PPFIA4: variants seen among roughly 807,000 people sequenced by gnomAD.
PPFIA4 encodes liprin-alpha-4.
Under a neutral mutation model 145.7 loss-of-function variants are expected in PPFIA4, and 98 were observed. The observed-to-expected ratio is 0.67, with a 90% CI of 0.57 to 0.80. The LOEUF is 0.80. Among genes scored for constraint, PPFIA4 ranks in the 30% least tolerant of loss-of-function variants. The pLI, the probability that PPFIA4 is intolerant of heterozygous loss-of-function variation, is 0.00. For synonymous variants in PPFIA4, 628 were observed against 649.6 expected, an observed-to-expected ratio of 0.97 and a Z score of 0.51; for missense variants, 1,457 against 1,632.7, an observed-to-expected ratio of 0.89 and a Z score of 1.85.
In PPFIA4 at chr1:203,075,649, G is replaced by C. The variant is rs12130501; in HGVS notation, c.3466G>C (p.Gly1156Arg). ...CCGGCCGCGGGAGCACCACGGTCGC[G>C]GCGGCATGCTCAGCGCTTCCGCGGA... ...RFRPREHHGR[G>R]GMLSASAETL... The change falls in exon 29 of 30, where the codon GGC (glycine) becomes CGC (arginine). Residue 1156 changes from glycine (G) to arginine (R), a missense_variant. Physicochemically the swap from Gly to Arg is moderately radical, Grantham distance 125. This residue lies in a region of PPFIA4 where 146 missense variants were observed against 126.2 expected (regional missense o/e 1.16). Transcript: ENST00000295706. This position sits in a 1 kb window ranked among gnomAD's most constrained non-coding sequence, Gnocchi z 4.1. 6.6e-7 allele frequency: 1 copy of C among 1,504,918 alleles called. No individual in the cohort carries two copies. The highest frequency in any genetic ancestry group is 1.3e-5 in the South Asian group (1 of 78,032). 93.2% of individuals were successfully genotyped at this position (1,504,918 alleles called of 1,614,324 possible).
rs1661916954 is a variant in PPFIA4 at position 203,068,749 on chromosome 1, A to G, written c.3324+121A>G. The G allele has an allele frequency of 6.7e-6, 7 of 1,037,966 alleles. No homozygotes were observed. In the South Asian group the frequency reaches 8.6e-5, roughly 13 times the overall value. The allele number at this position is 1,037,966 out of a possible 1,614,324, so 64.3% of individuals were successfully genotyped here. On this transcript the variant is annotated intron_variant, in intron 27 of 29. Coordinates refer to ENST00000295706, the MANE Select transcript of PPFIA4 (RefSeq NM_001304331.2). The surrounding 1 kb of genome is among the most constrained non-coding windows in gnomAD (Gnocchi z 4.7). ...GGGGTGGGGAGCTTTTCTAGGGCCT[A>G]TGCCAGAGGGGATCGCAATGTCCTC...
chr1:203,051,330 A>G (rs1201163840), intron 13 of PPFIA4: 4 of 988,750 alleles, frequency 4.0e-6, no homozygotes, highest in Non-Finnish European at 4.8e-6. Context: ...ACCAAAAAAC[A>G]AAGACCCTCA....
intron 26 of PPFIA4, 85 bp downstream of exon 26, chr1:203,067,877 G>A: frequency 1.8e-6 from 2 of 1,135,902 alleles, no homozygotes; most frequent in South Asian, 2.5e-5. Context: ...GAGGCATTCT[G>A]TGTCTCAGGG....
In PPFIA4 at chr1:203,045,482, G is replaced by C. The variant is rs1406119477; in HGVS notation, c.781G>C (p.Glu261Gln). 6.2e-7 allele frequency: 1 copy of C among 1,609,092 alleles called. No homozygotes were observed. The highest frequency in any genetic ancestry group is 8.5e-7 in the Non-Finnish European group (1 of 1,178,426). ...TLTTTVTELE[E>Q]DLGTARRDLI... ...AACAACAACCGTGACTGAACTCGAG[G>C]AGGACCTGGGCACGGCCCGCCGGGA... Residue 261 changes from glutamate (E) to glutamine (Q), a missense_variant, in exon 7 of 30, where the codon GAG (glutamate) becomes CAG (glutamine). By Grantham distance (29) the Glu-to-Gln change is conservative. Coordinates refer to ENST00000295706, the MANE Select transcript of PPFIA4 (RefSeq NM_001304331.2).
At position 203,075,121 on chromosome 1, in the gene PPFIA4, C is replaced by G. The variant is rs1306145076; in HGVS notation, c.3394-456C>G. Among the ~76,000 whole-genome samples the G allele has an allele frequency of 2.6e-5, 4 of 152,112 alleles. No homozygotes were observed. Among genetic ancestry groups the G allele is most frequent in the African/African-American group, 7.2e-5 (3 of 41,394 alleles). ...AGAAGCCAGGTGTCTGACTCCCGCCCGACATAGTACTCTTCTGGTATACTG... is the reference window on the plus strand; with the variant it reads ...AGAAGCCAGGTGTCTGACTCCCGCCGGACATAGTACTCTTCTGGTATACTG... On this transcript the variant is annotated intron_variant, in intron 28 of 29. Transcript: ENST00000295706. The surrounding 1 kb of genome is among the most constrained non-coding windows in gnomAD (Gnocchi z 4.1).
At chr1:203,059,365 C>T (rs1283597360) in intron 20 of PPFIA4, 94 bp downstream of exon 20, 4 of 1,092,946 alleles carry the variant, frequency 3.7e-6, no homozygotes, top group Non-Finnish European at 5.4e-6. Flanking sequence ...CTCAGAGACC[C>T]AGACCCCAGC....
intron 17 of PPFIA4, 39 bp from the exon 18 acceptor site, chr1:203,056,336 C>T (rs1660945344): frequency 6.2e-7 from 1 of 1,608,926 alleles, no homozygotes; most frequent in Non-Finnish European, 8.5e-7. Flanking sequence ...GGCCCGAGAT[C>T]TCTCCCTCTA....
intron 1 of PPFIA4, among the ~76,000 whole-genome samples, chr1:203,026,975 A>G (rs1028615813): frequency 6.6e-6 from 1 of 152,188 alleles, no homozygotes; most frequent in Admixed American, 6.5e-5. Context: ...CAGGAGAGTC[A>G]GAAAAAGCGC....
chr1:203,038,683 A>G lies in PPFIA4; in HGVS notation c.-326A>G, dbSNP rs370104769. On this transcript the variant is annotated 5_prime_UTR_variant, in exon 2 of 30. An upstream open reading frame in the 5' UTR loses its in-frame stop. Transcript: ENST00000295706. ...TCTGCCAGCCTCCGGCACTCAGTCTAAGAGAAGGGCCATCTTCCAGCCCTG... is the reference window on the plus strand; with the variant it reads ...TCTGCCAGCCTCCGGCACTCAGTCTGAGAGAAGGGCCATCTTCCAGCCCTG... 3.9e-5 allele frequency: 8 copies of G among 207,200 alleles called. No individual in the cohort carries two copies. In the East Asian group the frequency reaches 1.0e-3, roughly 26 times the overall value. 12.8% of individuals were successfully genotyped at this position (207,200 alleles called of 1,614,324 possible). A position where few individuals can be genotyped will look rare whatever the true frequency, so the allele number is the denominator to read the frequency against.
intron 1 of PPFIA4, chr1:203,034,355 C>A: frequency 2.3e-6 from 1 of 433,696 alleles, no homozygotes; most frequent in Non-Finnish European, 4.6e-6. Context: ...GGAGGTAGGG[C>A]TGGATTTCTG....
At position 203,076,334 on chromosome 1, in the gene PPFIA4, C is replaced by T. The variant is rs771763830; in HGVS notation, c.3575-7C>T. 25 of 1,604,410 alleles carry T rather than the reference C, an allele frequency of 1.6e-5. No homozygotes were observed. The South Asian group carries it at 2.0e-4, about 13-fold the overall frequency. ...CAGTGCGATGCCTGTCTCTCTCTCT[C>T]CCTCAGCTCACTCCCACTATCTCTA... On this transcript the variant is annotated splice_polypyrimidine_tract_variant and splice_region_variant and intron_variant, in intron 29 of 29. Coordinates refer to ENST00000295706, the MANE Select transcript of PPFIA4 (RefSeq NM_001304331.2).
In PPFIA4 at chr1:203,057,268, C is replaced by T. The variant is rs574789882; in HGVS notation, c.2407+318C>T. On this transcript the variant is annotated intron_variant, in intron 19 of 29. Transcript: ENST00000295706. ...GGGTTTCTTTGAATTTGGAGATTTT[C>T]TGAGGTACTGTGCTCGGGACCTTCA... Among the ~76,000 whole-genome samples the T allele has an allele frequency of 2.0e-5, 3 of 152,302 alleles. No homozygotes were observed. The South Asian group carries it at 6.2e-4, about 32-fold the overall frequency.
At chr1:203,061,164 G>C in intron 23 of PPFIA4, 132 bp downstream of exon 23, 1 of 835,638 alleles carries the variant, frequency 1.2e-6, no homozygotes, top group Non-Finnish European at 2.0e-6. Flanking sequence ...TCCCTGAGGT[G>C]TGATCTGCTG....
chr1:203,056,265 A>AC, intron 17 of PPFIA4, 110 bp downstream of exon 17: 4 of 1,595,040 alleles, frequency 2.5e-6, no homozygotes, highest in Non-Finnish European at 3.4e-6. Flanking sequence ...TCAGAGAGGC[A>AC]CCCAGGGCCT....
intron 1 of PPFIA4, among the ~76,000 whole-genome samples, chr1:203,034,302 C>T (rs906528195): frequency 1.3e-5 from 2 of 152,006 alleles, no homozygotes; most frequent in Non-Finnish European, 2.9e-5. Context: ...GGGAGCAGAC[C>T]TCAGTGAGCA....
chr1:203,076,304 C>T (rs778085932), intron 29 of PPFIA4, 37 bp from the exon 30 acceptor site: 2 of 1,591,456 alleles, frequency 1.3e-6, no homozygotes, highest in South Asian at 2.2e-5. Flanking sequence ...CTGCAACCTG[C>T]CTCACAGTGC....
intron 26 of PPFIA4, 64 bp downstream of exon 26, chr1:203,067,856 C>T (rs1410829024): frequency 5.4e-5 from 75 of 1,395,756 alleles, no homozygotes; most frequent in Non-Finnish European, 1.3e-5. Flanking sequence ...TGCCTTGGGC[C>T]AAGTGGAGGG....
chr1:203,030,002 A>G (rs913077713), intron 1 of PPFIA4, among the ~76,000 whole-genome samples: 2 of 152,198 alleles, frequency 1.3e-5, no homozygotes, highest in African/African-American at 4.8e-5. Context: ...CCCAGCTGTT[A>G]AGAGTTGAAT....
At chr1:203,070,804 C>A (rs2102693015) in intron 27 of PPFIA4, among the ~76,000 whole-genome samples, 1 of 152,128 alleles carries the variant, frequency 6.6e-6, no homozygotes, top group East Asian at 1.9e-4. Context: ...TTTATTTAAT[C>A]CAAATCAGTC....
Sources: allele counts gnomAD v4.1 joint callset (sites outside exome capture counted in the v4.1 genomes callset), GRCh38; gene constraint gnomAD v4.1.1; regional missense constraint gnomAD v4.1.1; non-coding constraint Gnocchi (gnomAD v3.1); transcripts MANE v1.5; gene names NCBI Gene and HGNC (gene_info 2026-07-23, HGNC 2026-07-21).